RYR2: variants seen among roughly 807,000 people sequenced by gnomAD.
The protein encoded by RYR2 is cardiac muscle ryanodine receptor-calcium release channel.
RYR2 carries 227 observed loss-of-function variants against 601.1 expected under a neutral mutation model. The observed-to-expected ratio is 0.38, with a 90% CI of 0.34 to 0.42. The LOEUF (loss-of-function observed/expected upper bound fraction) is 0.42, where lower values mean the gene tolerates loss of function less well. RYR2 is among the 10% of genes least tolerant of loss of function. The probability of loss-of-function intolerance (pLI) is 1.00; values close to 1 mark genes in which losing one functional copy is unlikely to be tolerated. For synonymous variants in RYR2, 2,223 were observed against 2,175.1 expected (o/e 1.02, Z -0.61); for missense variants, 4,646 against 6,156.5 (o/e 0.75, Z 8.21).
Position 237,042,477 on chromosome 1 carries a change from CTCCGCGGGGCTCG to C in RYR2, c.-44_-32del. On this transcript the variant is annotated 5_prime_UTR_variant, in exon 1 of 105. Transcript: ENST00000366574. ...GCCAGGGGCCGCCGCCGCCGCCGAG[CTCCGCGGGGCTCG>C]GGAGCCGGCCCCGGCGAGGAGGCGC... 8.0e-7 allele frequency: 1 copy of C among 1,242,576 alleles called. No individual in the cohort carries two copies. Among genetic ancestry groups the C allele is most frequent in the Non-Finnish European group, 1.0e-6 (1 of 984,790 alleles). 77.0% of individuals were successfully genotyped at this position (1,242,576 alleles called of 1,614,324 possible). A position where few individuals can be genotyped will look rare whatever the true frequency, so the allele number is the denominator to read the frequency against.
At position 237,220,535 on chromosome 1, in the gene RYR2, T is replaced by C. The variant is rs765293752; in HGVS notation, c.49-49962T>C. On this transcript the variant is annotated intron_variant, in intron 1 of 104. Transcript: ENST00000366574. ...TAGGACTTCTCTGCTTCTGTGGTCC[T>C]GTGAGCCAATTCCTCCCAGTCATCC... Among the ~76,000 whole-genome samples the C allele has an allele frequency of 2.0e-4, 30 of 152,336 alleles. 1 individual carries two copies. Among genetic ancestry groups the C allele is most frequent in the South Asian group, 1.2e-3 (6 of 4,826 alleles).
chr1:237,145,279 C>T (rs764841425), intron 1 of RYR2, among the ~76,000 whole-genome samples: 3 of 151,760 alleles, frequency 2.0e-5, no homozygotes, highest in Non-Finnish European at 4.4e-5. Flanking sequence ...TGGGACTAGC[C>T]GTTTGCAATT....
chr1:237,661,148 G>A (rs891704121), intron 56 of RYR2, among the ~76,000 whole-genome samples: 2 of 152,072 alleles, frequency 1.3e-5, no homozygotes, highest in African/African-American at 4.8e-5. Flanking sequence ...TGGACTTTAT[G>A]TACAAGCCTT....
At chr1:237,597,480 C>T (rs376470588) in intron 34 of RYR2, among the ~76,000 whole-genome samples, 10 of 151,810 alleles carry the variant, frequency 6.6e-5, no homozygotes, top group African/African-American at 2.4e-4. Context: ...TGGGGTTTCA[C>T]GATGTTGGCC....
chr1:237,506,734 A>G lies in RYR2; in HGVS notation c.2638A>G (p.Arg880Gly), dbSNP rs2150515899. Residue 880 changes from arginine to glycine, a missense_variant, in exon 23 of 105, where the codon AGA becomes GGA. Coordinates refer to ENST00000366574, the MANE Select transcript of RYR2 (RefSeq NM_001035.3). ...SQIVLPPHLE[R>G]IREKLAENIH... is the part of the protein sequence containing the mutation. ...GATCGTGTTGCCTCCTCATCTAGAA[A>G]GAATAAGAGAAAAACTGGCAGAGAA... The G allele has an allele frequency of 6.2e-7, 1 of 1,613,160 alleles. No homozygotes were observed. The highest frequency in any genetic ancestry group is 8.5e-7 in the Non-Finnish European group (1 of 1,179,642).
chr1:237,484,513 T>A (rs1282939417), intron 17 of RYR2, among the ~76,000 whole-genome samples: 1 of 152,126 alleles, frequency 6.6e-6, no homozygotes, highest in Admixed American at 6.5e-5. Context: ...TCACTTCTTC[T>A]CCCAAATGTA....
chr1:237,324,091 T>C (rs1298452142), intron 2 of RYR2, among the ~76,000 whole-genome samples: 1 of 152,176 alleles, frequency 6.6e-6, no homozygotes, highest in Non-Finnish European at 1.5e-5. Context: ...AATGTTATGA[T>C]TGGGGTTTTG....
chr1:237,532,037 A>G (rs1256503611), intron 25 of RYR2, among the ~76,000 whole-genome samples: 1 of 152,114 alleles, frequency 6.6e-6, no homozygotes, highest in Non-Finnish European at 1.5e-5. Flanking sequence ...CCTACATTAT[A>G]AGTAAGATAT....
chr1:237,203,643 A>G (rs1681447139), intron 1 of RYR2, among the ~76,000 whole-genome samples: 3 of 152,220 alleles, frequency 2.0e-5, no homozygotes, highest in Non-Finnish European at 4.4e-5. Context: ...GTTTGAATTT[A>G]TTCATTGAAT....
chr1:237,417,108 A>AGAC lies in RYR2; in HGVS notation c.835_837dup (p.Thr279dup). On this transcript the variant is annotated inframe_insertion, in exon 11 of 105. Transcript: ENST00000366574. ...CATGCACGTTCCCTTTGGAGACTAG[A>AGAC]GACGCTAAGAGTTGCGTAAGTAGAA... 6.2e-7 allele frequency: 1 copy of AGAC among 1,613,566 alleles called. No individual in the cohort carries two copies. Among genetic ancestry groups the AGAC allele is most frequent in the Non-Finnish European group, 8.5e-7 (1 of 1,179,508 alleles).
intron 80 of RYR2, among the ~76,000 whole-genome samples, chr1:237,755,475 C>T (rs1279557116): frequency 6.6e-6 from 1 of 152,208 alleles, no homozygotes; most frequent in African/African-American, 2.4e-5. Flanking sequence ...TCATAGGGCT[C>T]TATGCAACTT....
chr1:237,598,216 G>A (rs113927568), intron 34 of RYR2, among the ~76,000 whole-genome samples: 3,218 of 152,204 alleles, frequency 0.021, 54 homozygotes, highest in South Asian at 0.046. Context: ...ACAATAGTAG[G>A]GAAGTTCAAC....
intron 60 of RYR2, 78 bp downstream of exon 60, chr1:237,674,924 A>G (rs758384455): frequency 1.9e-5 from 14 of 751,372 alleles, no homozygotes; most frequent in African/African-American, 3.5e-5. Flanking sequence ...ATAGAACAAC[A>G]CAGGCTGCTG....
chr1:237,392,427 G>A (rs1008011781), intron 10 of RYR2, among the ~76,000 whole-genome samples: 2 of 151,564 alleles, frequency 1.3e-5, no homozygotes, highest in Admixed American at 6.6e-5. Context: ...GGCATCTCAT[G>A]TACCCCATAA....
intron 101 of RYR2, among the ~76,000 whole-genome samples, chr1:237,824,087 T>A (rs1662823504): frequency 6.6e-6 from 1 of 152,168 alleles, no homozygotes; most frequent in African/African-American, 2.4e-5. Flanking sequence ...ACAGCCGAAT[T>A]CTACCAGAGG....
Position 237,678,046 on chromosome 1 carries a change from A to T in RYR2, c.8831-2A>T. 1 of 1,592,858 alleles carries T rather than the reference A, an allele frequency of 6.3e-7. No homozygotes were observed. On this transcript the variant is annotated splice_acceptor_variant, in intron 60 of 104. Coordinates refer to ENST00000366574, the MANE Select transcript of RYR2 (RefSeq NM_001035.3). LOFTEE classifies it high-confidence loss of function. ...TTACCTAAAAACTCTTCAAATCTAC[A>T]GATGGTGGCAGCAGAGGCAAAGGAG...
intron 8 of RYR2, among the ~76,000 whole-genome samples, chr1:237,380,729 G>T (rs1043004149): frequency 3.3e-5 from 5 of 151,586 alleles, no homozygotes; most frequent in African/African-American, 7.3e-5. Flanking sequence ...ATCACTTTAG[G>T]CCAGGAGTTT....
rs1258909963 is a variant in RYR2, at chr1:237,284,633, G to A, written c.168+14017G>A. ...ACACACCACAGTATGTAGTATATAT[G>A]TATAGTGTGTGTATATATATATATA... On this transcript the variant is annotated intron_variant, in intron 2 of 104. Transcript: ENST00000366574. Among the ~76,000 whole-genome samples the A allele has an allele frequency of 3.1e-5, 4 of 127,822 alleles. No individual in the cohort carries two copies. The East Asian group carries it at 7.0e-4, about 22-fold the overall frequency. 83.9% of individuals were successfully genotyped at this position (127,822 alleles called of 152,430 possible).
chr1:237,682,366 T>G (rs1475770715), intron 62 of RYR2, among the ~76,000 whole-genome samples: 1 of 152,102 alleles, frequency 6.6e-6, no homozygotes, highest in Non-Finnish European at 1.5e-5. Context: ...AGACCACCCC[T>G]CTCTCTAATG....
Sources: gnomAD v4.1 joint callset for allele counts (sites outside exome capture counted in the v4.1 genomes callset) on GRCh38, gnomAD v4.1.1 for gene constraint, MANE v1.5 for transcripts, NCBI Gene and HGNC (gene_info 2026-07-23, HGNC 2026-07-21) for gene names.